DDAH2: variants seen among roughly 807,000 people sequenced by gnomAD.
DDAH2 encodes putative hydrolase DDAH2.
A neutral mutation model predicts 24.8 loss-of-function variants in DDAH2; 8 were observed. The observed-to-expected ratio is 0.32, with a 90% CI of 0.19 to 0.58. DDAH2 has a LOEUF of 0.58. Among genes scored for constraint, DDAH2 ranks in the 20% least tolerant of loss-of-function variants. DDAH2 has a pLI of 0.87. For synonymous variants in DDAH2, 151 were observed against 166.1 expected (o/e 0.91, Z 0.70); for missense variants, 281 against 379.0 (o/e 0.74, Z 2.15).
Position 31,727,180 on chromosome 6 carries a change from C to T in DDAH2, c.*57G>A. The T allele has an allele frequency of 7.7e-7, 1 of 1,294,636 alleles. No individual in the cohort carries two copies. Among genetic ancestry groups the T allele is most frequent in the Non-Finnish European group, 1.1e-6 (1 of 897,886 alleles). The allele number at this position is 1,294,636 out of a possible 1,614,324, so 80.2% of individuals were successfully genotyped here. A position where few individuals can be genotyped will look rare whatever the true frequency, so the allele number is the denominator to read the frequency against. ...AGCATTCTCTATCTAACCCTCCTTC[C>T]CCTTCTACTTCCTATACTATCCTAC... On this transcript the variant is annotated 3_prime_UTR_variant, in exon 6 of 6. Transcript: ENST00000375789. The surrounding 1 kb of genome is among the most constrained non-coding windows in gnomAD (Gnocchi z 6.0).
Position 31,728,387 on chromosome 6 carries a change from G to C in DDAH2, c.471+64C>G. On this transcript the variant is annotated intron_variant, in intron 3 of 5. Coordinates refer to ENST00000375789, the MANE Select transcript of DDAH2 (RefSeq NM_001303007.2). This position sits in a 1 kb window ranked among gnomAD's most constrained non-coding sequence, Gnocchi z 9.8. Reference sequence around the variant, plus strand: ...TCTCTGCCTCTCATTTCCTCAGCGGGCGCCCAGGCCCTTCCGACCCCCACC... The same window carrying C: ...TCTCTGCCTCTCATTTCCTCAGCGGCCGCCCAGGCCCTTCCGACCCCCACC... 6.2e-7 allele frequency: 1 copy of C among 1,609,840 alleles called. No homozygotes were observed. The highest frequency in any genetic ancestry group is 8.5e-7 in the Non-Finnish European group (1 of 1,178,302).
Position 31,728,458 on chromosome 6 carries a change from G to T in DDAH2, c.464C>A (p.Thr155Lys), listed in dbSNP as rs150832184. The T allele has an allele frequency of 1.7e-5, 27 of 1,612,402 alleles. No homozygotes were observed. Among genetic ancestry groups the T allele is most frequent in the Non-Finnish European group, 1.9e-5 (23 of 1,179,910 alleles). ...GCTGGTCCCGCTCCGCACCCGGAAC[G>T]TGTCCGCCACGATCTCAGCTCCTCG... ...NHRGAEIVAD[T>K]FRDFAVSTVP... is the part of the protein sequence containing the mutation. The change falls in exon 3 of 6, where the codon ACG becomes AAG. Residue 155 changes from threonine to lysine, a missense_variant. By Grantham distance (78) the Thr-to-Lys change is moderately conservative. Transcript: ENST00000375789. The surrounding 1 kb of genome is among the most constrained non-coding windows in gnomAD (Gnocchi z 9.8).
chr6:31,727,335 C>T lies in DDAH2; in HGVS notation c.760G>A (p.Asp254Asn). ...NSQEALQKLS[D>N]VTLVPVSCSE... Reference sequence around the variant, plus strand: ...CAGGACACAGGTACCAGGGTGACATCAGAGAGCTTCTGCAGTGCCTGCACA... The same window carrying T: ...CAGGACACAGGTACCAGGGTGACATTAGAGAGCTTCTGCAGTGCCTGCACA... Residue 254 changes from aspartate to asparagine, a missense_variant, in exon 6 of 6, where the codon GAT (aspartate) becomes AAT (asparagine). By Grantham distance (23) the Asp-to-Asn change is conservative. Transcript: ENST00000375789. The surrounding 1 kb of genome is among the most constrained non-coding windows in gnomAD (Gnocchi z 6.0). 7 of 1,612,890 alleles carry T rather than the reference C, an allele frequency of 4.3e-6. No individual in the cohort carries two copies. Among genetic ancestry groups the T allele is most frequent in the Non-Finnish European group, 5.9e-6 (7 of 1,179,926 alleles).
rs1807433955 is a variant in DDAH2 at position 31,727,125 on chromosome 6, T to C, written c.*112A>G. The stretch of plus-strand genomic sequence containing the variant: ...CCCTACACTCTCCCCTCCCCCAATA[T>C]TGAGGCTCTCTCCCAACTACTGCCT... On this transcript the variant is annotated 3_prime_UTR_variant, in exon 6 of 6. Transcript: ENST00000375789. The surrounding 1 kb of genome is among the most constrained non-coding windows in gnomAD (Gnocchi z 6.0). 2.6e-6 allele frequency: 2 copies of C among 781,840 alleles called. No individual in the cohort carries two copies. Among genetic ancestry groups the C allele is most frequent in the Admixed American group, 4.3e-5 (2 of 46,640 alleles). The allele number at this position is 781,840 out of a possible 1,614,324, so 48.4% of individuals were successfully genotyped here. A position where few individuals can be genotyped will look rare whatever the true frequency, so the allele number is the denominator to read the frequency against.
chr6:31,729,154 G>C lies in DDAH2; in HGVS notation c.8C>G (p.Thr3Arg). The C allele has an allele frequency of 6.2e-7, 1 of 1,604,662 alleles. No individual in the cohort carries two copies. The change falls in exon 1 of 6, where the codon ACG (threonine) becomes AGG (arginine). Residue 3 changes from threonine (T) to arginine (R), a missense_variant. By Grantham distance (71) the Thr-to-Arg change is moderately conservative (BLOSUM62 -1). Coordinates refer to ENST00000375789, the MANE Select transcript of DDAH2 (RefSeq NM_001303007.2). This position sits in a 1 kb window ranked among gnomAD's most constrained non-coding sequence, Gnocchi z 6.7. Reference protein sequence around the residue: MGTPGEGLGRCSH... With the variant: MGRPGEGLGRCSH... ...GCAGCGGCCCAGCCCCTCCCCCGGC[G>C]TCCCCATCCCATCCACACAGACTCC...
Position 31,727,073 on chromosome 6 carries a change from G to C in DDAH2, c.*164C>G. ...CAATTCTATTTTATTGGTTCTGAGAGGGAGGATTCACCCAGTGGATCCTTT... is the reference window on the plus strand; with the variant it reads ...CAATTCTATTTTATTGGTTCTGAGACGGAGGATTCACCCAGTGGATCCTTT... On this transcript the variant is annotated 3_prime_UTR_variant, in exon 6 of 6. Coordinates refer to ENST00000375789, the MANE Select transcript of DDAH2 (RefSeq NM_001303007.2). This position sits in a 1 kb window ranked among gnomAD's most constrained non-coding sequence, Gnocchi z 6.0. 1 of 675,796 alleles carries C rather than the reference G, an allele frequency of 1.5e-6. No individual in the cohort carries two copies. The allele number at this position is 675,796 out of a possible 1,614,324, so 41.9% of individuals were successfully genotyped here.
chr6:31,728,970 T>C lies in DDAH2; in HGVS notation c.192A>G (p.Pro64=). 3.7e-6 allele frequency: 6 copies of C among 1,613,054 alleles called. No homozygotes were observed. The highest frequency in any genetic ancestry group is 5.1e-6 in the Non-Finnish European group (6 of 1,180,014). ...GTCCCAGCGGCAATGACTCCTCAGG[T>C]GGCAGTTCTAGCAGCTGTAGCCCCA... is the stretch of plus-strand genomic sequence containing the variant. ...QRLGLQLLEL[P]PEESLPLGPL... The change falls in exon 1 of 6, where the codon CCA becomes CCG. Residue 64 remains proline, a synonymous_variant. Transcript: ENST00000375789. This position sits in a 1 kb window ranked among gnomAD's most constrained non-coding sequence, Gnocchi z 9.8.
Position 31,728,777 on chromosome 6 carries a change from G to T in DDAH2, c.298-32C>A. ...ATAGGAGAAGAGGGCACGGAGCTGT[G>T]ACACCCCCATCCTCAATTCTTCCCC... On this transcript the variant is annotated intron_variant, in intron 1 of 5. Transcript: ENST00000375789. The surrounding 1 kb of genome is among the most constrained non-coding windows in gnomAD (Gnocchi z 9.8). 1 of 1,611,978 alleles carries T rather than the reference G, an allele frequency of 6.2e-7. No individual in the cohort carries two copies. The highest frequency in any genetic ancestry group is 8.5e-7 in the Non-Finnish European group (1 of 1,179,402).
Position 31,728,409 on chromosome 6 carries a change from C to G in DDAH2, c.471+42G>C. The G allele has an allele frequency of 1.2e-6, 2 of 1,611,392 alleles. No individual in the cohort carries two copies. Among genetic ancestry groups the G allele is most frequent in the African/African-American group, 2.7e-5 (2 of 74,964 alleles). ...CGGGCGCCCAGGCCCTTCCGACCCCCACCTGCACCCCCTCCCTCCCTAGGC... is the reference window on the plus strand; with the variant it reads ...CGGGCGCCCAGGCCCTTCCGACCCCGACCTGCACCCCCTCCCTCCCTAGGC... On this transcript the variant is annotated intron_variant, in intron 3 of 5. Coordinates refer to ENST00000375789, the MANE Select transcript of DDAH2 (RefSeq NM_001303007.2). The surrounding 1 kb of genome is among the most constrained non-coding windows in gnomAD (Gnocchi z 9.8).
In DDAH2 at chr6:31,728,309, G is replaced by GAGGT. The variant is rs1435848992; in HGVS notation, c.472-21_472-18dup. ...GGCGAAGTCCTAGGGAGAGCGAAGG[G>GAGGT]AGGTATTCAGGGGCGCGGGAGGGGT... is the stretch of plus-strand genomic sequence containing the variant. On this transcript the variant is annotated splice_polypyrimidine_tract_variant and intron_variant, in intron 3 of 5. Transcript: ENST00000375789. This position sits in a 1 kb window ranked among gnomAD's most constrained non-coding sequence, Gnocchi z 9.8. 3 of 1,606,532 alleles carry GAGGT rather than the reference G, an allele frequency of 1.9e-6. No homozygotes were observed. Among genetic ancestry groups the GAGGT allele is most frequent in the Non-Finnish European group, 2.6e-6 (3 of 1,175,646 alleles).
At position 31,728,286 on chromosome 6, in the gene DDAH2, C is replaced by T. The variant is rs1394109555; in HGVS notation, c.478G>A (p.Ala160Thr). ...CCCGAGACTGGCACAGTGGAGACGG[C>T]GAAGTCCTAGGGAGAGCGAAGGGAG... ...EIVADTFRDF[A>T]VSTVPVSGPS... Residue 160 changes from alanine to threonine, a missense_variant, in exon 4 of 6, where the codon GCC becomes ACC. Transcript: ENST00000375789. This position sits in a 1 kb window ranked among gnomAD's most constrained non-coding sequence, Gnocchi z 9.8. The T allele has an allele frequency of 5.6e-6, 9 of 1,609,834 alleles. No individual in the cohort carries two copies. The highest frequency in any genetic ancestry group is 7.6e-6 in the Non-Finnish European group (9 of 1,178,270).
At position 31,727,140 on chromosome 6, in the gene DDAH2, A is replaced by G; in HGVS notation, c.*97T>C. ...TCCCCCAATATTGAGGCTCTCTCCCAACTACTGCCTATTCAGCATTCTCTA... is the reference window on the plus strand; with the variant it reads ...TCCCCCAATATTGAGGCTCTCTCCCGACTACTGCCTATTCAGCATTCTCTA... On this transcript the variant is annotated 3_prime_UTR_variant, in exon 6 of 6. Transcript: ENST00000375789. The surrounding 1 kb of genome is among the most constrained non-coding windows in gnomAD (Gnocchi z 6.0). The G allele has an allele frequency of 3.4e-6, 3 of 892,514 alleles. No homozygotes were observed. The highest frequency in any genetic ancestry group is 5.5e-6 in the Non-Finnish European group (3 of 549,450). The allele number at this position is 892,514 out of a possible 1,614,324, so 55.3% of individuals were successfully genotyped here.
In DDAH2 at chr6:31,728,925, G is replaced by A. The variant is rs1468511582; in HGVS notation, c.237C>T (p.Ala79=). 3 of 1,612,998 alleles carry A rather than the reference G, an allele frequency of 1.9e-6. No individual in the cohort carries two copies. The highest frequency in any genetic ancestry group is 1.3e-5 in the African/African-American group (1 of 74,948). The part of the protein sequence containing the change: ...LPLGPLLGDT[A]VIQGDTALIT... ...TTAGGGCCGTGTCCCCTTGGATCAC[G>A]GCCGTGTCGCCAAGCAGCGGTCCCA... Residue 79 remains alanine, a synonymous_variant, in exon 1 of 6, where the codon GCC becomes GCT. Coordinates refer to ENST00000375789, the MANE Select transcript of DDAH2 (RefSeq NM_001303007.2). The surrounding 1 kb of genome is among the most constrained non-coding windows in gnomAD (Gnocchi z 9.8).
At position 31,728,440 on chromosome 6, in the gene DDAH2, C is replaced by G; in HGVS notation, c.471+11G>C. ...CACCCCCTCCCTCCCTAGGCTGGTCCCGCTCCGCACCCGGAACGTGTCCGC... is the reference window on the plus strand; with the variant it reads ...CACCCCCTCCCTCCCTAGGCTGGTCGCGCTCCGCACCCGGAACGTGTCCGC... On this transcript the variant is annotated intron_variant, in intron 3 of 5. Coordinates refer to ENST00000375789, the MANE Select transcript of DDAH2 (RefSeq NM_001303007.2). This position sits in a 1 kb window ranked among gnomAD's most constrained non-coding sequence, Gnocchi z 9.8. 6.2e-7 allele frequency: 1 copy of G among 1,612,570 alleles called. No individual in the cohort carries two copies. The highest frequency in any genetic ancestry group is 1.7e-4 in the Middle Eastern group (1 of 5,810).
In DDAH2 at chr6:31,728,535, G is replaced by A. The variant is rs2151307026; in HGVS notation, c.398-11C>T. 6.2e-7 allele frequency: 1 copy of A among 1,612,874 alleles called. No individual in the cohort carries two copies. Among genetic ancestry groups the A allele is most frequent in the Non-Finnish European group, 8.5e-7 (1 of 1,179,948 alleles). ...CGAAAAACTCCCGGCCTGAGTCCGG[G>A]AGGCCGCGGAGGTTTGAGGGCGGGA... On this transcript the variant is annotated splice_polypyrimidine_tract_variant and intron_variant, in intron 2 of 5. Coordinates refer to ENST00000375789, the MANE Select transcript of DDAH2 (RefSeq NM_001303007.2). This position sits in a 1 kb window ranked among gnomAD's most constrained non-coding sequence, Gnocchi z 9.8.
At position 31,727,651 on chromosome 6, in the gene DDAH2, G is replaced by T. The variant is rs549964070; in HGVS notation, c.633C>A (p.Thr211=). ...VLTDHPYASL[T]LPDDAAADCL... ...AGTCAGCAGCTGCGTCATCTGGGAG[G>T]GTCAGGGAGGCATATGGGTGATCTG... The change falls in exon 5 of 6, where the codon ACC becomes ACA. Residue 211 remains threonine, a synonymous_variant. Transcript: ENST00000375789. This position sits in a 1 kb window ranked among gnomAD's most constrained non-coding sequence, Gnocchi z 6.0. 14 of 1,612,336 alleles carry T rather than the reference G, an allele frequency of 8.7e-6. No homozygotes were observed. The highest frequency in any genetic ancestry group is 6.7e-5 in the African/African-American group (5 of 75,026).
In DDAH2 at chr6:31,729,209, C is replaced by G. The variant is rs1345403425; in HGVS notation, c.-48G>C. ...CCAACCGCTCGGATTTCTTAGTTTT[C>G]TTGTTTCTTCACCTGTCTGGGAGAA... On this transcript the variant is annotated 5_prime_UTR_variant, in exon 1 of 6. Transcript: ENST00000375789. The surrounding 1 kb of genome is among the most constrained non-coding windows in gnomAD (Gnocchi z 6.7). 7.8e-6 allele frequency: 11 copies of G among 1,406,216 alleles called. No individual in the cohort carries two copies. The highest frequency in any genetic ancestry group is 2.9e-5 in the African/African-American group (2 of 69,914). The allele number at this position is 1,406,216 out of a possible 1,614,324, so 87.1% of individuals were successfully genotyped here.
chr6:31,728,517 C>T lies in DDAH2; in HGVS notation c.405G>A (p.Glu135=), dbSNP rs1304737655. Residue 135 remains glutamate (E), a synonymous_variant, in exon 3 of 6, where the codon GAG becomes GAA. Coordinates refer to ENST00000375789, the MANE Select transcript of DDAH2 (RefSeq NM_001303007.2). The surrounding 1 kb of genome is among the most constrained non-coding windows in gnomAD (Gnocchi z 9.8). ...DGTDVLFTGR[E]FFVGLSKWTN... ...TCCATTTGGAGAGGCCTACGAAAAA[C>T]TCCCGGCCTGAGTCCGGGAGGCCGC... 3 of 1,612,884 alleles carry T rather than the reference C, an allele frequency of 1.9e-6. No homozygotes were observed. In the Admixed American group the frequency reaches 5.0e-5, roughly 27 times the overall value.
At position 31,728,797 on chromosome 6, in the gene DDAH2, T is replaced by C; in HGVS notation, c.298-52A>G. 6.2e-7 allele frequency: 1 copy of C among 1,611,350 alleles called. No individual in the cohort carries two copies. The highest frequency in any genetic ancestry group is 1.1e-5 in the South Asian group (1 of 90,924). The stretch of plus-strand genomic sequence containing the variant: ...GCTGTGACACCCCCATCCTCAATTC[T>C]TCCCCAAAGCCCCGACATCCAGTTC... On this transcript the variant is annotated intron_variant, in intron 1 of 5. Coordinates refer to ENST00000375789, the MANE Select transcript of DDAH2 (RefSeq NM_001303007.2). The surrounding 1 kb of genome is among the most constrained non-coding windows in gnomAD (Gnocchi z 9.8).
Sources: allele counts gnomAD v4.1 joint callset, GRCh38; gene constraint gnomAD v4.1.1; non-coding constraint Gnocchi (gnomAD v3.1); transcripts MANE v1.5; gene names NCBI Gene and HGNC (gene_info 2026-07-23, HGNC 2026-07-21).